Variants in TANC2 observed in about 807,000 individuals in gnomAD.
The protein encoded by TANC2 is tetratricopeptide repeat, ankyrin repeat and coiled-coil containing 2.
TANC2 carries 26 observed loss-of-function variants against 210.5 expected under a neutral mutation model. The observed-to-expected ratio is 0.12, with a 90% CI of 0.09 to 0.17. TANC2 has a LOEUF of 0.17. Ranked by LOEUF, TANC2 falls within the 10% of genes least tolerant of loss-of-function variation. The pLI is 1.00. For synonymous variants in TANC2, 931 were observed against 967.1 expected (o/e 0.96, Z 0.69); for missense variants, 2,129 against 2,608.9 (o/e 0.82, Z 4.01).
intron 6 of TANC2, among the ~76,000 whole-genome samples, chr17:63,200,373 A>C (rs570580468): frequency 1.3e-5 from 2 of 149,746 alleles, no homozygotes; most frequent in Non-Finnish European, 3.0e-5. Flanking sequence ...AAAAAAAAAA[A>C]AAAGAAAGAA....
At chr17:63,172,978 A>G (rs1221593873) in intron 5 of TANC2, among the ~76,000 whole-genome samples, 1 of 152,098 alleles carries the variant, frequency 6.6e-6, no homozygotes, top group Non-Finnish European at 1.5e-5. Flanking sequence ...TCTTCCATGG[A>G]AGGGAGGCTA....
intron 9 of TANC2, among the ~76,000 whole-genome samples, chr17:63,306,639 CAAAT>C (rs1022973110): frequency 1.3e-5 from 2 of 152,074 alleles, no homozygotes; most frequent in South Asian, 2.1e-4. Flanking sequence ...CCAAGAGAAA[CAAAT>C]AAGCCCTCTG....
intron 17 of TANC2, 127 bp downstream of exon 17, chr17:63,389,671 C>G (rs1298823670): frequency 1.1e-6 from 1 of 925,526 alleles, no homozygotes; most frequent in Non-Finnish European, 1.7e-6. Flanking sequence ...GAGAGGAGAT[C>G]AGAGAGAGTG....
intron 4 of TANC2, chr17:63,150,015 A>G (rs905931438): frequency 2.0e-5 from 3 of 152,132 alleles, no homozygotes; most frequent in Non-Finnish European, 1.5e-5. Context: ...AATAGTTTCT[A>G]TATACTTTTA....
chr17:63,255,887 T>G (rs952019615), intron 8 of TANC2, among the ~76,000 whole-genome samples: 1 of 151,046 alleles, frequency 6.6e-6, no homozygotes, highest in Non-Finnish European at 1.5e-5. Flanking sequence ...ATCATTAAGT[T>G]GTTTATTTGA....
At chr17:63,291,687 A>G (rs1226427768) in intron 9 of TANC2, among the ~76,000 whole-genome samples, 1 of 152,222 alleles carries the variant, frequency 6.6e-6, no homozygotes, top group African/African-American at 2.4e-5. Flanking sequence ...GCTATCATTC[A>G]TTGAGAACTT....
At chr17:63,163,880 T>C (rs886969817) in intron 5 of TANC2, among the ~76,000 whole-genome samples, 2 of 152,192 alleles carry the variant, frequency 1.3e-5, no homozygotes, top group African/African-American at 4.8e-5. Context: ...ATAGTAATTT[T>C]CTATAATGTA....
intron 1 of TANC2, among the ~76,000 whole-genome samples, chr17:62,973,133 G>A (rs1484171170): frequency 6.6e-6 from 1 of 151,798 alleles, no homozygotes; most frequent in African/African-American, 2.4e-5. Context: ...GGGTTCAAGT[G>A]ATTCTCCTGC....
intron 8 of TANC2, among the ~76,000 whole-genome samples, chr17:63,254,068 T>C (rs1040930410): frequency 3.3e-5 from 5 of 152,290 alleles, no homozygotes; most frequent in Middle Eastern, 3.4e-3. Context: ...AATCTGTAGA[T>C]TGCTTTTGGT....
intron 7 of TANC2, among the ~76,000 whole-genome samples, chr17:63,216,820 C>A (rs1454769221): frequency 6.6e-6 from 1 of 152,102 alleles, no homozygotes; most frequent in Non-Finnish European, 1.5e-5. Flanking sequence ...CAAGACATAC[C>A]ATATTCTGGT....
At chr17:63,280,345 A>G (rs2044022950) in intron 9 of TANC2, among the ~76,000 whole-genome samples, 1 of 152,016 alleles carries the variant, frequency 6.6e-6, no homozygotes, top group Non-Finnish European at 1.5e-5. Flanking sequence ...TATGTTTTTT[A>G]ATTGTTGGGT....
Position 63,405,333 on chromosome 17 carries a change from G to T in TANC2, c.3465+78G>T. On this transcript the variant is annotated intron_variant, in intron 20 of 27. Transcript: ENST00000689528. ...GGACTTCTGATGCACAGAGCAAAAT[G>T]ATCACAAGTAAAGTTTGGGTTACCC... 6 of 1,418,926 alleles carry T rather than the reference G, an allele frequency of 4.2e-6. No individual in the cohort carries two copies. In the South Asian group the frequency reaches 4.6e-5, roughly 11 times the overall value. The allele number at this position is 1,418,926 out of a possible 1,614,324, so 87.9% of individuals were successfully genotyped here. A position where few individuals can be genotyped will look rare whatever the true frequency, so the allele number is the denominator to read the frequency against.
At chr17:63,375,018 G>A (rs773137573) in intron 14 of TANC2, among the ~76,000 whole-genome samples, 2 of 152,136 alleles carry the variant, frequency 1.3e-5, no homozygotes, top group Non-Finnish European at 2.9e-5. Context: ...TTAAAAAAAA[G>A]AGAGAGAGAT....
At chr17:63,122,925 A>G (rs2038542435) in intron 4 of TANC2, among the ~76,000 whole-genome samples, 1 of 152,234 alleles carries the variant, frequency 6.6e-6, no homozygotes, top group Admixed American at 6.5e-5. Context: ...AAAGTGTACA[A>G]AATGCATTCA....
intron 2 of TANC2, among the ~76,000 whole-genome samples, chr17:63,023,729 A>C (rs914467387): frequency 6.6e-6 from 1 of 152,208 alleles, no homozygotes; most frequent in Non-Finnish European, 1.5e-5. Flanking sequence ...CTGAAATGAA[A>C]CATCTTTCAA....
At chr17:63,295,281 C>G (rs745980067) in intron 9 of TANC2, among the ~76,000 whole-genome samples, 7 of 152,072 alleles carry the variant, frequency 4.6e-5, no homozygotes, top group Non-Finnish European at 8.8e-5. Flanking sequence ...GAATTAATTA[C>G]GTTTTTAGAA....
chr17:63,226,852 G>A (rs933552676), intron 7 of TANC2, among the ~76,000 whole-genome samples: 2 of 152,088 alleles, frequency 1.3e-5, no homozygotes, highest in African/African-American at 4.8e-5. Flanking sequence ...AACATGCAAT[G>A]TTTGGTTTTC....
At chr17:62,985,914 T>G (rs76754082) in intron 1 of TANC2, among the ~76,000 whole-genome samples, 11 of 152,190 alleles carry the variant, frequency 7.2e-5, no homozygotes, top group Non-Finnish European at 1.6e-4. Context: ...GGCATCATAT[T>G]TCCTTGCTTT....
At chr17:63,266,836 T>C (rs746731306) in intron 8 of TANC2, among the ~76,000 whole-genome samples, 7 of 152,034 alleles carry the variant, frequency 4.6e-5, no homozygotes, top group South Asian at 2.1e-4. Flanking sequence ...AATATTTTCT[T>C]CCTTTTTTTG....
Sources: gnomAD v4.1 joint callset for allele counts (sites outside exome capture counted in the v4.1 genomes callset) on GRCh38, gnomAD v4.1.1 for gene constraint, MANE v1.5 for transcripts, NCBI Gene and HGNC (gene_info 2026-07-23, HGNC 2026-07-21) for gene names.